Variants in NODAL observed in about 807,000 individuals in gnomAD.
NODAL encodes nodal growth differentiation factor.
In NODAL, 12 loss-of-function variants were observed where a neutral mutation model predicts 34.0. That is an observed-to-expected ratio of 0.35 (90% CI 0.23 to 0.57). NODAL has a LOEUF of 0.57. Ranked by LOEUF, NODAL falls within the 20% of genes least tolerant of loss-of-function variation. NODAL has a pLI of 0.83. For missense variants in NODAL, 390 were observed against 444.2 expected, an observed-to-expected ratio of 0.88 and a Z score of 1.10; for synonymous variants, 162 against 186.4, an observed-to-expected ratio of 0.87 and a Z score of 1.07.
upstream of NODAL, among the ~76,000 whole-genome samples, chr10:70,442,646 C>T (rs548198845): frequency 1.1e-4 from 16 of 152,326 alleles, no homozygotes; most frequent in Admixed American, 3.3e-4. Flanking sequence ...GGCTCTTTCT[C>T]TTCTTAGCTC....
chr10:70,439,245 C>T (rs202060289), intron 1 of NODAL, among the ~76,000 whole-genome samples: 5 of 152,294 alleles, frequency 3.3e-5, no homozygotes, highest in East Asian at 3.9e-4. Context: ...CCTCATGATC[C>T]GACCACCTCG....
chr10:70,437,710 G>C (rs1845374512), intron 1 of NODAL, among the ~76,000 whole-genome samples: 1 of 152,190 alleles, frequency 6.6e-6, no homozygotes, highest in East Asian at 1.9e-4. Flanking sequence ...TTCATTGACT[G>C]TCTCGTTGAG....
intron 1 of NODAL, among the ~76,000 whole-genome samples, chr10:70,447,075 C>CTTTT (rs752664373): frequency 1.3e-4 from 18 of 134,726 alleles, no homozygotes; most frequent in East Asian, 1.2e-3. Context: ...TCTTCTTCTT[C>CTTTT]TTTTTTTTTT....
upstream of NODAL, among the ~76,000 whole-genome samples, chr10:70,444,371 C>T (rs1845466004): frequency 2.6e-5 from 4 of 151,506 alleles, no homozygotes; most frequent in South Asian, 8.4e-4. Context: ...ACTTTGTCAC[C>T]CAGGCTAGAG....
intron 1 of NODAL, among the ~76,000 whole-genome samples, chr10:70,447,439 G>A (rs768594282): frequency 3.6e-4 from 55 of 152,034 alleles, no homozygotes; most frequent in Admixed American, 1.0e-3. Flanking sequence ...CAATCCCAGT[G>A]CTTTGGGAGG....
exon 1 of NODAL, chr10:70,447,934 T>C (rs553071631): frequency 5.3e-5 from 25 of 471,156 alleles, no homozygotes; most frequent in African/African-American, 4.8e-4. Flanking sequence ...CTTTAGTCTG[T>C]ATCCCCAACT....
At chr10:70,441,811 C>T, upstream of NODAL, 1 of 875,592 alleles carries the variant, frequency 1.1e-6, no homozygotes, top group Non-Finnish European at 1.7e-6. Flanking sequence ...AGAGAGACCT[C>T]CTGCTGGGGA....
intron 2 of NODAL, 112 bp from the exon 3 acceptor site, chr10:70,433,200 A>G (rs1845292702): frequency 9.0e-7 from 1 of 1,116,544 alleles, no homozygotes; most frequent in African/African-American, 1.5e-5. Flanking sequence ...CCTGAGTGCA[A>G]AAATAGCAGA....
upstream of NODAL, among the ~76,000 whole-genome samples, chr10:70,444,434 A>G (rs921824969): frequency 6.6e-6 from 1 of 150,838 alleles, no homozygotes; most frequent in Admixed American, 6.7e-5. Context: ...GGTTCAAGTG[A>G]TTCTCCTGCC....
At chr10:70,443,231 C>T (rs190753384), upstream of NODAL, among the ~76,000 whole-genome samples, 1 of 152,320 alleles carries the variant, frequency 6.6e-6, no homozygotes, top group Admixed American at 6.5e-5. Context: ...AGGAGGCTGT[C>T]CCACATAGCT....
At chr10:70,443,204 G>A (rs1392109434), upstream of NODAL, among the ~76,000 whole-genome samples, 1 of 152,222 alleles carries the variant, frequency 6.6e-6, no homozygotes, top group African/African-American at 2.4e-5. Context: ...CCAAGCCTTT[G>A]TCCTCTGTCT....
chr10:70,441,340 C>A, intron 1 of NODAL, 135 bp downstream of exon 1: 1 of 945,072 alleles, frequency 1.1e-6, no homozygotes, highest in Non-Finnish European at 1.6e-6. Context: ...GCCCTGGGCT[C>A]GGGACGCCCG....
At chr10:70,446,139 G>A (rs1410499250), upstream of NODAL, among the ~76,000 whole-genome samples, 1 of 152,184 alleles carries the variant, frequency 6.6e-6, no homozygotes, top group Non-Finnish European at 1.5e-5. Flanking sequence ...TTCCAGGTGA[G>A]GAATGACACC....
At chr10:70,435,167 C>T (rs1196606634) in intron 2 of NODAL, 119 bp downstream of exon 2, 7 of 876,442 alleles carry the variant, frequency 8.0e-6, no homozygotes, top group Non-Finnish European at 1.3e-5. Flanking sequence ...GATCCTGGTA[C>T]ATTGGAGGTG....
chr10:70,447,541 C>T (rs1845501577), intron 1 of NODAL, among the ~76,000 whole-genome samples: 1 of 151,852 alleles, frequency 6.6e-6, no homozygotes, highest in South Asian at 2.1e-4. Flanking sequence ...TAAAAATTAG[C>T]CAGCTTGTGC....
upstream of NODAL, among the ~76,000 whole-genome samples, chr10:70,442,508 C>A (rs540396388): frequency 6.6e-6 from 1 of 152,302 alleles, no homozygotes; most frequent in South Asian, 2.1e-4. Context: ...TCCTTATTTG[C>A]ACAAGAGTGA....
chr10:70,433,199 A>G (rs1243348125), intron 2 of NODAL, 111 bp from the exon 3 acceptor site: 1 of 1,191,028 alleles, frequency 8.4e-7, no homozygotes, highest in East Asian at 2.3e-5. Flanking sequence ...TCCTGAGTGC[A>G]AAAATAGCAG....
intron 1 of NODAL, among the ~76,000 whole-genome samples, chr10:70,438,677 G>C (rs1845386226): frequency 6.6e-6 from 1 of 152,196 alleles, no homozygotes; most frequent in Non-Finnish European, 1.5e-5. Flanking sequence ...AACAGGATGG[G>C]CAGTGGGAAA....
At chr10:70,446,361 G>T (rs771084927), upstream of NODAL, among the ~76,000 whole-genome samples, 4 of 152,268 alleles carry the variant, frequency 2.6e-5, no homozygotes, top group African/African-American at 9.6e-5. Flanking sequence ...CCTCCAGGAG[G>T]CAGAATCTGG....
Sources: gnomAD v4.1 joint callset for allele counts (sites outside exome capture counted in the v4.1 genomes callset) on GRCh38, gnomAD v4.1.1 for gene constraint, MANE v1.5 for transcripts, NCBI Gene and HGNC (gene_info 2026-07-23, HGNC 2026-07-21) for gene names.